Variants in PDE4D observed in about 807,000 individuals in gnomAD.
PDE4D encodes 3',5'-cyclic-AMP phosphodiesterase 4D.
A neutral mutation model predicts 87.4 loss-of-function variants in PDE4D; 24 were observed. The ratio of observed to expected loss-of-function variants is 0.27; its 90% CI spans 0.20 to 0.39. The LOEUF is 0.39. Ranked by LOEUF, PDE4D falls within the 10% of genes least tolerant of loss-of-function variation. The probability of loss-of-function intolerance (pLI) is 1.00; values close to 1 mark genes in which losing one functional copy is unlikely to be tolerated. For missense variants in PDE4D, 714 were observed against 1,041.0 expected (o/e 0.69, Z 4.32); for synonymous variants, 384 against 383.2 (o/e 1.00, Z -0.02).
At chr5:59,916,743 T>C (rs932614365) in intron 3 of PDE4D, among the ~76,000 whole-genome samples, 8 of 152,092 alleles carry the variant, frequency 5.3e-5, no homozygotes, top group African/African-American at 1.7e-4. Flanking sequence ...ACAGCATACA[T>C]TGGGAATATA....
chr5:59,809,934 A>G (rs930150734), intron 1 of PDE4D, among the ~76,000 whole-genome samples: 2 of 152,210 alleles, frequency 1.3e-5, no homozygotes, highest in South Asian at 2.1e-4. Context: ...TGCATCGTTT[A>G]TTATTACAAA....
intron 1 of PDE4D, among the ~76,000 whole-genome samples, chr5:59,451,713 T>C (rs1459403590): frequency 6.6e-6 from 1 of 152,204 alleles, no homozygotes; most frequent in Non-Finnish European, 1.5e-5. Context: ...TCTGCTATCA[T>C]TCTGCTCCAT....
At chr5:59,812,051 A>G (rs929529506) in intron 1 of PDE4D, among the ~76,000 whole-genome samples, 1 of 152,106 alleles carries the variant, frequency 6.6e-6, no homozygotes, top group Non-Finnish European at 1.5e-5. Flanking sequence ...TTATGTCCCA[A>G]CCACTGCCAT....
At chr5:59,829,819 G>A (rs1308864535) in intron 1 of PDE4D, among the ~76,000 whole-genome samples, 2 of 151,964 alleles carry the variant, frequency 1.3e-5, no homozygotes, top group East Asian at 3.9e-4. Context: ...TTAAAAAGCA[G>A]TAGGGCGAGA....
chr5:59,786,788 AT>A (rs1162992099), intron 1 of PDE4D, among the ~76,000 whole-genome samples: 2 of 152,224 alleles, frequency 1.3e-5, no homozygotes, highest in African/African-American at 4.8e-5. Context: ...ATGCTTTTTC[AT>A]AGCTTTGAAT....
chr5:59,025,936 C>T (rs748454504), intron 6 of PDE4D, among the ~76,000 whole-genome samples: 1 of 152,214 alleles, frequency 6.6e-6, no homozygotes, highest in Non-Finnish European at 1.5e-5. Flanking sequence ...GTAATAAAAG[C>T]CAGAGGCTGT....
intron 3 of PDE4D, among the ~76,000 whole-genome samples, chr5:59,915,004 T>A (rs1436268339): frequency 6.6e-6 from 1 of 151,962 alleles, no homozygotes; most frequent in Admixed American, 6.6e-5. Flanking sequence ...AAGTGGGGTT[T>A]CTGGGGAAGG....
intron 2 of PDE4D, among the ~76,000 whole-genome samples, chr5:60,049,615 G>A (rs370593482): frequency 2.0e-5 from 3 of 152,182 alleles, no homozygotes; most frequent in Non-Finnish European, 4.4e-5. Flanking sequence ...GTCTGTTGGA[G>A]TACCCAGCCG....
intron 1 of PDE4D, among the ~76,000 whole-genome samples, chr5:59,804,577 T>C (rs1767533214): frequency 6.6e-6 from 1 of 152,168 alleles, no homozygotes; most frequent in Admixed American, 6.5e-5. Context: ...ATTTTAAAAA[T>C]ACAATCACCC....
chr5:60,309,126 G>T (rs1754772485), intron 1 of PDE4D, among the ~76,000 whole-genome samples: 1 of 151,832 alleles, frequency 6.6e-6, no homozygotes, highest in African/African-American at 2.4e-5. Context: ...ATTGTGATGG[G>T]TGAGTCTGTC....
At chr5:59,965,218 T>C (rs1759911340) in intron 3 of PDE4D, among the ~76,000 whole-genome samples, 1 of 152,122 alleles carries the variant, frequency 6.6e-6, no homozygotes, top group South Asian at 2.1e-4. Context: ...CCCTCTCCAC[T>C]GAATTGTCCC....
chr5:59,998,175 C>G (rs1763687814), intron 2 of PDE4D, among the ~76,000 whole-genome samples: 2 of 152,262 alleles, frequency 1.3e-5, no homozygotes, highest in South Asian at 4.1e-4. Flanking sequence ...TATCAATGTT[C>G]ATAGTTTTAG....
chr5:60,459,577 G>A (rs905292754), intron 1 of PDE4D, among the ~76,000 whole-genome samples: 4 of 151,976 alleles, frequency 2.6e-5, no homozygotes, highest in African/African-American at 4.8e-5. Flanking sequence ...AATGAAAGGA[G>A]CAGGTTTTTC....
At chr5:59,363,381 A>C (rs1782533651) in intron 1 of PDE4D, among the ~76,000 whole-genome samples, 1 of 152,194 alleles carries the variant, frequency 6.6e-6, no homozygotes, top group Non-Finnish European at 1.5e-5. Flanking sequence ...ACTTGCCCCT[A>C]TGATCATACA....
intron 5 of PDE4D, among the ~76,000 whole-genome samples, chr5:59,107,623 G>A (rs1330098437): frequency 2.6e-5 from 4 of 152,172 alleles, no homozygotes. Context: ...TAGAGGGGAG[G>A]CATTTCATAT....
intron 1 of PDE4D, among the ~76,000 whole-genome samples, chr5:59,808,300 CT>C (rs1767966104): frequency 2.0e-5 from 3 of 152,078 alleles, no homozygotes; most frequent in Non-Finnish European, 4.4e-5. Flanking sequence ...AGAACTTTCT[CT>C]TTTAAGATTG....
At chr5:60,144,210 G>C (rs1249305557) in intron 2 of PDE4D, among the ~76,000 whole-genome samples, 3 of 152,190 alleles carry the variant, frequency 2.0e-5, no homozygotes, top group Admixed American at 6.5e-5. Flanking sequence ...TAGCTGTCTG[G>C]CTCTGTTTCT....
chr5:59,870,365 T>C (rs372629232), intron 1 of PDE4D, among the ~76,000 whole-genome samples: 1 of 152,246 alleles, frequency 6.6e-6, no homozygotes, highest in East Asian at 1.9e-4. Flanking sequence ...CAAAGTGATA[T>C]GTGGAAACAT....
At chr5:59,930,061 C>T (rs1388143716) in intron 3 of PDE4D, among the ~76,000 whole-genome samples, 1 of 147,890 alleles carries the variant, frequency 6.8e-6, no homozygotes, top group Non-Finnish European at 1.5e-5. Context: ...ACTCGGGAGG[C>T]TGAGGCAGGA....
Sources: allele counts gnomAD v4.1 joint callset (sites outside exome capture counted in the v4.1 genomes callset), GRCh38; gene constraint gnomAD v4.1.1; transcripts MANE v1.5; gene names NCBI Gene and HGNC (gene_info 2026-07-23, HGNC 2026-07-21).